KIF11: variants seen among roughly 807,000 people sequenced by gnomAD.
KIF11 encodes the protein kinesin family member 11.
Under a neutral mutation model 121.0 loss-of-function variants are expected in KIF11, and 9 were observed. That is an observed-to-expected ratio of 0.07 (90% confidence interval 0.04 to 0.13). The LOEUF (loss-of-function observed/expected upper bound fraction) is 0.13. KIF11 is among the 10% of genes least tolerant of loss of function. The pLI is 1.00. For missense variants in KIF11, 846 were observed against 1,217.5 expected, an observed-to-expected ratio of 0.69 and a Z score of 4.54; for synonymous variants, 408 against 421.0, an observed-to-expected ratio of 0.97 and a Z score of 0.38.
At chr10:92,625,803 A>G (rs905347015) in intron 10 of KIF11, among the ~76,000 whole-genome samples, 1 of 152,190 alleles carries the variant, frequency 6.6e-6, no homozygotes, top group Non-Finnish European at 1.5e-5. Context: ...CTGAGTGCCA[A>G]ACAAGAATGC....
rs369291747 is a variant in KIF11, at chr10:92,610,532, T to G, written c.698+1023T>G. Among the ~76,000 whole-genome samples the G allele has an allele frequency of 7.9e-5, 12 of 152,190 alleles. No homozygotes were observed. The East Asian group carries it at 1.7e-3, about 22-fold the overall frequency. On this transcript the variant is annotated intron_variant, in intron 6 of 21. Transcript: ENST00000260731. ...CAGATATAGTTTACTAAAACAGAAG[T>G]GGTTTTTTTGTGTGTGTGTGTGGTC... is the stretch of plus-strand genomic sequence containing the variant.
intron 17 of KIF11, among the ~76,000 whole-genome samples, chr10:92,642,636 T>C (rs1331059368): frequency 6.6e-6 from 1 of 152,136 alleles, no homozygotes; most frequent in Non-Finnish European, 1.5e-5. Flanking sequence ...TGTTGTTGGG[T>C]GCATATACAT....
rs777377286 is a variant in KIF11 at position 92,613,284 on chromosome 10, G to A, written c.790-93G>A. 1 of 1,093,610 alleles carries A rather than the reference G, an allele frequency of 9.1e-7. No homozygotes were observed. 67.7% of individuals were successfully genotyped at this position (1,093,610 alleles called of 1,614,324 possible). Reference sequence around the variant, plus strand: ...TAATTACAGAAAAAATTATTTTGCTGGCGATTTAATACATTATGTATCCTG... The same window carrying A: ...TAATTACAGAAAAAATTATTTTGCTAGCGATTTAATACATTATGTATCCTG... On this transcript the variant is annotated intron_variant, in intron 7 of 21. Coordinates refer to ENST00000260731, the MANE Select transcript of KIF11 (RefSeq NM_004523.4). The surrounding 1 kb of genome is among the most constrained non-coding windows in gnomAD (Gnocchi z 4.2).
At position 92,606,634 on chromosome 10, in the gene KIF11, A is replaced by T; in HGVS notation, c.226A>T (p.Thr76Ser). Residue 76 changes from threonine to serine, a missense_variant, in exon 3 of 22, where the codon ACT becomes TCT. Around this residue, in one of 5 missense-constraint regions of KIF11, gnomAD observed 140 missense variants for 193.5 expected, o/e 0.72. Transcript: ENST00000260731. ...YTFDMVFGAS[T>S]KQIDVYRSVV... Reference sequence around the variant, plus strand: ...TTTTCGTTAGGTGTTTGGAGCATCTACTAAACAGATTGATGTTTACCGAAG... The same window carrying T: ...TTTTCGTTAGGTGTTTGGAGCATCTTCTAAACAGATTGATGTTTACCGAAG... The T allele has an allele frequency of 6.3e-7, 1 of 1,581,116 alleles. No individual in the cohort carries two copies. Among genetic ancestry groups the T allele is most frequent in the Non-Finnish European group, 8.7e-7 (1 of 1,151,630 alleles).
At chr10:92,598,163 A>G (rs1844322339) in intron 1 of KIF11, among the ~76,000 whole-genome samples, 1 of 152,178 alleles carries the variant, frequency 6.6e-6, no homozygotes, top group African/African-American at 2.4e-5. Context: ...TATCCAAGAA[A>G]TCATTGCCAA....
chr10:92,599,962 T>A (rs959891833), intron 1 of KIF11, among the ~76,000 whole-genome samples: 3 of 148,592 alleles, frequency 2.0e-5, no homozygotes, highest in African/African-American at 5.0e-5. Flanking sequence ...TTTTTTTTTT[T>A]TAATTAACTA....
chr10:92,616,955 G>A (rs1174453954), intron 9 of KIF11, 123 bp downstream of exon 9: 11 of 554,964 alleles, frequency 2.0e-5, no homozygotes, highest in Non-Finnish European at 3.2e-5. Flanking sequence ...TTTTTATATA[G>A]TGATTTAAAC....
chr10:92,648,069 A>T, intron 18 of KIF11, 143 bp from the exon 19 acceptor site: 1 of 602,140 alleles, frequency 1.7e-6, no homozygotes, highest in Non-Finnish European at 2.9e-6. Flanking sequence ...TACTCATGCC[A>T]CTGCACTCCA....
At chr10:92,614,180 T>A (rs1257129563) in intron 8 of KIF11, among the ~76,000 whole-genome samples, 1 of 150,004 alleles carries the variant, frequency 6.7e-6, no homozygotes, top group Non-Finnish European at 1.5e-5. Context: ...CACTGCAACC[T>A]CCACCTCCCA....
chr10:92,639,819 G>T lies in KIF11; in HGVS notation c.2186G>T (p.Trp729Leu). ...GAACTTTGCAAGTTAATGAATCTTT[G>T]GACAGAGAGATTCTGTGCTTTGGAG... Reference protein sequence around the residue: ...SQELCKLMNLWTERFCALEEK... With the variant: ...SQELCKLMNLLTERFCALEEK... Residue 729 changes from tryptophan to leucine, a missense_variant, in exon 17 of 22, where the codon TGG becomes TTG. By Grantham distance (61) the Trp-to-Leu change is moderately conservative (BLOSUM62 -2). Transcript: ENST00000260731. 6.2e-7 allele frequency: 1 copy of T among 1,610,786 alleles called. No homozygotes were observed. The highest frequency in any genetic ancestry group is 1.1e-5 in the South Asian group (1 of 90,694).
rs191831277 is a variant in KIF11, at chr10:92,608,091, C to A, written c.387+854C>A. The stretch of plus-strand genomic sequence containing the variant: ...CAAAAAAAAACAAAAAAACAAAAAA[C>A]CAAAAAACTAGTTAATTTAAAAAAA... On this transcript the variant is annotated intron_variant, in intron 4 of 21. Coordinates refer to ENST00000260731, the MANE Select transcript of KIF11 (RefSeq NM_004523.4). Among the ~76,000 whole-genome samples, 61 of 141,984 alleles carry A rather than the reference C, an allele frequency of 4.3e-4. 1 individual carries two copies. Among genetic ancestry groups the A allele is most frequent in the South Asian group, 6.6e-4 (3 of 4,566 alleles). 93.1% of individuals were successfully genotyped at this position (141,984 alleles called of 152,430 possible).
intron 1 of KIF11, among the ~76,000 whole-genome samples, chr10:92,605,045 A>G (rs1298283365): frequency 6.6e-6 from 1 of 152,118 alleles, no homozygotes; most frequent in Non-Finnish European, 1.5e-5. Flanking sequence ...GGTGATGTTT[A>G]GAAAAGGTGT....
At chr10:92,619,136 T>G (rs1249733881) in intron 9 of KIF11, among the ~76,000 whole-genome samples, 1 of 152,044 alleles carries the variant, frequency 6.6e-6, no homozygotes, top group Non-Finnish European at 1.5e-5. Flanking sequence ...CCTTCCTCAC[T>G]CTCCCAAGTA....
At chr10:92,626,895 G>T (rs1844683433) in intron 10 of KIF11, among the ~76,000 whole-genome samples, 1 of 152,056 alleles carries the variant, frequency 6.6e-6, no homozygotes, top group Non-Finnish European at 1.5e-5. Flanking sequence ...GAGTAGCTGG[G>T]ACTACAGGTG....
chr10:92,607,091 C>T (rs1844438815), intron 3 of KIF11, 68 bp from the exon 4 acceptor site: 1 of 938,038 alleles, frequency 1.1e-6, no homozygotes, highest in South Asian at 1.4e-5. Flanking sequence ...TTTTGTTTTT[C>T]TAGTCTATCA....
intron 12 of KIF11, among the ~76,000 whole-genome samples, chr10:92,632,231 A>G (rs1205452241): frequency 6.6e-6 from 1 of 151,566 alleles, no homozygotes; most frequent in Non-Finnish European, 1.5e-5. Flanking sequence ...CAGTGGCACA[A>G]TCTCTGGCTC....
chr10:92,645,950 C>CTTTTT (rs33915127), intron 18 of KIF11, among the ~76,000 whole-genome samples: 5 of 101,720 alleles, frequency 4.9e-5, no homozygotes, highest in Non-Finnish European at 5.6e-5. Flanking sequence ...CTTATATATG[C>CTTTTT]TTTTTTTTTT....
Position 92,651,507 on chromosome 10 carries a change from G to GTATTTTTTCTTTT in KIF11, c.3039+991_3039+992insATTTTTTCTTTTT, listed in dbSNP as rs1554863366. Among the ~76,000 whole-genome samples, 16 of 52,958 alleles carry GTATTTTTTCTTTT rather than the reference G, an allele frequency of 3.0e-4. 1 individual carries two copies. Among genetic ancestry groups the GTATTTTTTCTTTT allele is most frequent in the South Asian group, 9.7e-4 (1 of 1,032 alleles). The allele number at this position is 52,958 out of a possible 152,430, so 34.7% of individuals were successfully genotyped here. ...TGTGCCACCATGCCTGGCTAATTTT[G>GTATTTTTTCTTTT]TTTTTTTTTTTTTTTTTTTTTTTTT... is the stretch of plus-strand genomic sequence containing the variant. On this transcript the variant is annotated intron_variant, in intron 21 of 21. Transcript: ENST00000260731.
At position 92,603,263 on chromosome 10, in the gene KIF11, CTTTT is replaced by C. The variant is rs368046931; in HGVS notation, c.78-2986_78-2983del. ...CCCTTAAACTGCTTTCTTTTCTTTT[CTTTT>C]TTTTTTTTTTTTTTTGAGACAGAGT... On this transcript the variant is annotated intron_variant, in intron 1 of 21. Coordinates refer to ENST00000260731, the MANE Select transcript of KIF11 (RefSeq NM_004523.4). 9.2e-5 allele frequency among the ~76,000 whole-genome samples: 10 copies of C among 109,172 alleles called. No homozygotes were observed. The East Asian group carries it at 1.1e-3, about 12-fold the overall frequency. The allele number at this position is 109,172 out of a possible 152,430, so 71.6% of individuals were successfully genotyped here.
Sources: gnomAD v4.1 joint callset for allele counts (sites outside exome capture counted in the v4.1 genomes callset) on GRCh38, gnomAD v4.1.1 for gene constraint, gnomAD v4.1.1 regional missense constraint, Gnocchi (gnomAD v3.1) non-coding constraint, MANE v1.5 for transcripts, NCBI Gene and HGNC (gene_info 2026-07-23, HGNC 2026-07-21) for gene names.